The following ESR1 variants were observed in gnomAD, a reference collection of about 807,000 sequenced individuals.
The protein encoded by ESR1 is estrogen receptor.
In ESR1, 12 loss-of-function variants were observed where a neutral mutation model predicts 52.7. The observed-to-expected ratio is 0.23, with a 90% CI of 0.15 to 0.37. The LOEUF (loss-of-function observed/expected upper bound fraction) is 0.37, where lower values mean the gene tolerates loss of function less well. Among genes scored for constraint, ESR1 ranks in the 10% least tolerant of loss-of-function variants. The pLI, the probability that ESR1 is intolerant of heterozygous loss-of-function variation, is 1.00. For synonymous variants in ESR1, 305 were observed against 316.8 expected (o/e 0.96, Z 0.39); for missense variants, 584 against 779.7 (o/e 0.75, Z 2.99).
intron 4 of ESR1, among the ~76,000 whole-genome samples, chr6:152,006,268 A>G (rs2042323636): frequency 1.3e-5 from 2 of 152,054 alleles, no homozygotes; most frequent in Admixed American, 1.3e-4. Flanking sequence ...TAAATGGATT[A>G]AACCCATTTT....
Position 151,842,741 on chromosome 6 carries a change from C to T in ESR1, c.597C>T (p.Val199=), listed in dbSNP as rs2128234676. Residue 199 remains valine (V), a synonymous_variant, in exon 2 of 8, where the codon GTC becomes GTT. Coordinates refer to ENST00000206249, the MANE Select transcript of ESR1 (RefSeq NM_000125.4). The part of the protein sequence containing the change: ...NDYASGYHYG[V]WSCEGCKAFF... ...ATGCTTCAGGCTACCATTATGGAGT[C>T]TGGTCCTGTGAGGGCTGCAAGGCCT... The T allele has an allele frequency of 6.2e-7, 1 of 1,613,978 alleles. No individual in the cohort carries two copies. The highest frequency in any genetic ancestry group is 8.5e-7 in the Non-Finnish European group (1 of 1,179,910).
At chr6:151,675,453 A>G (rs1778219796) in intron 1 of ESR1, among the ~76,000 whole-genome samples, 1 of 152,160 alleles carries the variant, frequency 6.6e-6, no homozygotes, top group South Asian at 2.1e-4. Flanking sequence ...TAGGGGAACT[A>G]TAGCTGAGTC....
rs1182030922 is a variant in ESR1, at chr6:151,743,808, G to A, written c.-71+41803G>A. Among the ~76,000 whole-genome samples the A allele has an allele frequency of 2.6e-5, 4 of 152,160 alleles. No individual in the cohort carries two copies. The East Asian group carries it at 7.7e-4, about 29-fold the overall frequency. On this transcript the variant is annotated intron_variant, in intron 2 of 2. Coordinates refer to the ESR1 transcript ENST00000404742. ...CAAAATCACCCATCTAAAATGTACA[G>A]TCTGGTAGTTTTTAACATATTCAGA...
At chr6:152,029,078 G>A (rs1170796373) in intron 5 of ESR1, among the ~76,000 whole-genome samples, 2 of 152,224 alleles carry the variant, frequency 1.3e-5, no homozygotes, top group African/African-American at 4.8e-5. Context: ...GCAGCTGAGG[G>A]TCCTGACTGT....
chr6:151,786,491 A>G (rs1241747725), intron 2 of ESR1, among the ~76,000 whole-genome samples: 1 of 152,166 alleles, frequency 6.6e-6, no homozygotes, highest in Admixed American at 6.5e-5. Context: ...CATTGATGAA[A>G]CAAACATGCC....
At chr6:151,730,241 C>T (rs932365404) in intron 2 of ESR1, among the ~76,000 whole-genome samples, 34 of 152,084 alleles carry the variant, frequency 2.2e-4, no homozygotes, top group African/African-American at 7.7e-4. Context: ...CTTCGACCCC[C>T]CGGGGCTGAC....
At chr6:151,820,479 T>C (rs1047829237) in intron 1 of ESR1, among the ~76,000 whole-genome samples, 3 of 152,176 alleles carry the variant, frequency 2.0e-5, no homozygotes, top group Non-Finnish European at 4.4e-5. Context: ...TATTCTCATT[T>C]TATGGGACGT....
intron 1 of ESR1, among the ~76,000 whole-genome samples, chr6:151,680,471 T>TG (rs796777616): frequency 2.0e-5 from 3 of 152,138 alleles, no homozygotes; most frequent in African/African-American, 7.2e-5. Context: ...CCCAAAATGC[T>TG]GGGGGGTCGT....
At chr6:151,821,427 T>C (rs1055455354) in intron 1 of ESR1, among the ~76,000 whole-genome samples, 1 of 152,246 alleles carries the variant, frequency 6.6e-6, no homozygotes, top group Admixed American at 6.5e-5. Flanking sequence ...TCTCTAGTGA[T>C]GAATTATTTC....
At chr6:152,020,084 C>T (rs1464476250) in intron 5 of ESR1, among the ~76,000 whole-genome samples, 2 of 152,146 alleles carry the variant, frequency 1.3e-5, no homozygotes, top group Middle Eastern at 3.2e-3. Flanking sequence ...TCTCATCATT[C>T]GCATCTAGTG....
At chr6:151,687,373 T>C (rs1254675718), upstream of ESR1, among the ~76,000 whole-genome samples, 1 of 152,198 alleles carries the variant, frequency 6.6e-6, no homozygotes, top group Admixed American at 6.5e-5. Flanking sequence ...TTTTGGTTGC[T>C]CTTCACGAGG....
At chr6:152,043,386 C>A (rs922336098) in intron 5 of ESR1, among the ~76,000 whole-genome samples, 3 of 152,232 alleles carry the variant, frequency 2.0e-5, no homozygotes, top group African/African-American at 7.2e-5. Context: ...CCCTTAATAT[C>A]CATTCCCATG....
chr6:152,034,923 AT>A (rs1348000227), intron 5 of ESR1, among the ~76,000 whole-genome samples: 1 of 152,180 alleles, frequency 6.6e-6, no homozygotes, highest in Non-Finnish European at 1.5e-5. Context: ...ATGTGTTTTG[AT>A]TTTTGGAGTG....
At chr6:151,731,766 G>C (rs1284344249) in intron 2 of ESR1, among the ~76,000 whole-genome samples, 2 of 152,128 alleles carry the variant, frequency 1.3e-5, no homozygotes, top group Non-Finnish European at 2.9e-5. Context: ...CCCTCATCAG[G>C]GAGACAGAAT....
chr6:151,897,428 T>C (rs923666613), intron 3 of ESR1, among the ~76,000 whole-genome samples: 4 of 152,258 alleles, frequency 2.6e-5, no homozygotes, highest in Non-Finnish European at 4.4e-5. Flanking sequence ...TTTATCATTA[T>C]ATAATGCTCT....
At chr6:151,916,503 A>G (rs1050967301) in intron 3 of ESR1, among the ~76,000 whole-genome samples, 7 of 152,162 alleles carry the variant, frequency 4.6e-5, no homozygotes, top group Non-Finnish European at 7.3e-5. Flanking sequence ...GCTTGGGGCA[A>G]TAGGTACCTC....
intron 4 of ESR1, among the ~76,000 whole-genome samples, chr6:151,957,878 G>T (rs938064060): frequency 6.6e-6 from 1 of 152,076 alleles, no homozygotes; most frequent in Admixed American, 6.5e-5. Flanking sequence ...TTTTACCAGT[G>T]GTATGGCAAC....
intron 6 of ESR1, among the ~76,000 whole-genome samples, chr6:152,120,768 G>GA (rs1163529764): frequency 6.6e-6 from 1 of 152,148 alleles, no homozygotes; most frequent in Non-Finnish European, 1.5e-5. Flanking sequence ...CCGGGACTTG[G>GA]AAAATCTAGC....
intron 2 of ESR1, among the ~76,000 whole-genome samples, chr6:151,720,744 A>C (rs1436842507): frequency 1.3e-5 from 2 of 152,160 alleles, no homozygotes; most frequent in African/African-American, 4.8e-5. Flanking sequence ...TTATTTAATC[A>C]TTTTTTGGAA....
Sources: gnomAD v4.1 joint callset for allele counts (sites outside exome capture counted in the v4.1 genomes callset) on GRCh38, gnomAD v4.1.1 for gene constraint, MANE v1.5 for transcripts, NCBI Gene and HGNC (gene_info 2026-07-23, HGNC 2026-07-21) for gene names.